Variants in CMTM7 observed in about 807,000 individuals in gnomAD.
The protein encoded by CMTM7 is CKLF-like MARVEL transmembrane domain-containing protein 7.
In CMTM7, 7 loss-of-function variants were observed where a neutral mutation model predicts 19.3. The ratio of observed to expected loss-of-function variants is 0.36; its 90% CI spans 0.21 to 0.68. The LOEUF is 0.68. Ranked by LOEUF, CMTM7 falls within the 30% of genes least tolerant of loss-of-function variation. CMTM7 has a pLI of 0.60. For synonymous variants in CMTM7, 87 were observed against 99.3 expected (o/e 0.88, Z 0.74); for missense variants, 193 against 232.6 (o/e 0.83, Z 1.11).
chr3:32,392,527 C>T (rs1253324375), intron 1 of CMTM7, among the ~76,000 whole-genome samples: 1 of 152,256 alleles, frequency 6.6e-6, no homozygotes, highest in Non-Finnish European at 1.5e-5. Context: ...GAACCCAGCG[C>T]GGCAGGGCTT....
rs5847761 is a variant in CMTM7 at position 32,404,162 on chromosome 3, C to CTTT, written c.159+12110_159+12112dup. Among the ~76,000 whole-genome samples the CTTT allele has an allele frequency of 2.3e-3, 173 of 74,672 alleles. 1 individual carries two copies. The highest frequency in any genetic ancestry group is 6.6e-3 in the African/African-American group (167 of 25,162). The allele number at this position is 74,672 out of a possible 152,430, so 49.0% of individuals were successfully genotyped here. ...TCTTTCTTTTTTTTTCTTTTTTTTT[C>CTTT]TTTTTTTTTTTTTTTGGAGACAGAG... is the stretch of plus-strand genomic sequence containing the variant. On this transcript the variant is annotated intron_variant, in intron 1 of 4. Transcript: ENST00000334983.
At chr3:32,418,616 T>C (rs1696300957) in intron 1 of CMTM7, among the ~76,000 whole-genome samples, 1 of 152,230 alleles carries the variant, frequency 6.6e-6, no homozygotes, top group African/African-American at 2.4e-5. Flanking sequence ...GTTTTATATA[T>C]GGATATCAAG....
chr3:32,411,142 CCTGT>C (rs1696168287), intron 1 of CMTM7, among the ~76,000 whole-genome samples: 1 of 152,166 alleles, frequency 6.6e-6, no homozygotes, highest in African/African-American at 2.4e-5. Context: ...AGCCGGCTTC[CCTGT>C]CGCTGAAAAT....
chr3:32,399,590 C>G (rs1695971576), intron 1 of CMTM7, among the ~76,000 whole-genome samples: 1 of 152,190 alleles, frequency 6.6e-6, no homozygotes, highest in Non-Finnish European at 1.5e-5. Context: ...AGCCTCTGGT[C>G]TAGCTGTGAA....
chr3:32,418,683 C>T (rs1403228599), intron 1 of CMTM7, among the ~76,000 whole-genome samples: 1 of 152,138 alleles, frequency 6.6e-6, no homozygotes, highest in African/African-American at 2.4e-5. Flanking sequence ...TTACTTTACA[C>T]TTCTCTCAAA....
chr3:32,451,930 G>A (rs1575128202), intron 3 of CMTM7: 5 of 493,830 alleles, frequency 1.0e-5, no homozygotes, highest in Admixed American at 2.8e-5. Flanking sequence ...GCTCTAATAC[G>A]GCTATGAAGC....
At chr3:32,395,324 TA>T (rs1196178503) in intron 1 of CMTM7, among the ~76,000 whole-genome samples, 1 of 150,820 alleles carries the variant, frequency 6.6e-6, no homozygotes, top group East Asian at 2.0e-4. Flanking sequence ...TTTTAATAGC[TA>T]TTTTTTTTTA....
intron 1 of CMTM7, among the ~76,000 whole-genome samples, chr3:32,417,441 G>C (rs1324939648): frequency 6.6e-6 from 1 of 152,218 alleles, no homozygotes; most frequent in Non-Finnish European, 1.5e-5. Context: ...TCCATGATAT[G>C]GATATGTGTG....
At chr3:32,444,842 C>T (rs1040838100) in intron 2 of CMTM7, among the ~76,000 whole-genome samples, 2 of 152,082 alleles carry the variant, frequency 1.3e-5, no homozygotes, top group Admixed American at 1.3e-4. Flanking sequence ...CCTCAAACTC[C>T]TGGGCTCAAG....
At chr3:32,454,137 A>T (rs1396601782) in intron 4 of CMTM7, 104 bp from the exon 5 acceptor site, 1 of 1,236,516 alleles carries the variant, frequency 8.1e-7, no homozygotes, top group African/African-American at 1.5e-5. Flanking sequence ...GGTGGAGGAC[A>T]CAGGTGCCCC....
chr3:32,410,838 G>A (rs73825004), intron 1 of CMTM7, among the ~76,000 whole-genome samples: 5,096 of 152,292 alleles, frequency 0.033, 301 homozygotes, highest in African/African-American at 0.12. Context: ...GCAGAGGGAT[G>A]ACAGAAGTGT....
chr3:32,394,520 C>T (rs979665765), intron 1 of CMTM7, among the ~76,000 whole-genome samples: 48 of 152,102 alleles, frequency 3.2e-4, no homozygotes, highest in African/African-American at 1.1e-3. Context: ...GTCTTGGCCT[C>T]TTCTGGGTCC....
Position 32,449,797 on chromosome 3 carries a change from G to A in CMTM7, c.432+245G>A, listed in dbSNP as rs2125643865. Reference sequence around the variant, plus strand: ...GCAGCCCAGGCCTCTCTCTCTTACAGGCACTACTGAAATCAGGGGGCCAGG... The same window carrying A: ...GCAGCCCAGGCCTCTCTCTCTTACAAGCACTACTGAAATCAGGGGGCCAGG... On this transcript the variant is annotated intron_variant, in intron 3 of 4. Transcript: ENST00000334983. The surrounding 1 kb of genome is among the most constrained non-coding windows in gnomAD (Gnocchi z 4.5). Among the ~76,000 whole-genome samples, 1 of 152,196 alleles carries A rather than the reference G, an allele frequency of 6.6e-6. No individual in the cohort carries two copies. Among genetic ancestry groups the A allele is most frequent in the African/African-American group, 2.4e-5 (1 of 41,518 alleles).
intron 1 of CMTM7, among the ~76,000 whole-genome samples, chr3:32,400,102 C>A (rs1473739539): frequency 6.6e-6 from 1 of 152,140 alleles, no homozygotes; most frequent in Admixed American, 6.5e-5. Context: ...TCACTGCAAC[C>A]TCTGCCTCCC....
intron 1 of CMTM7, among the ~76,000 whole-genome samples, chr3:32,405,205 A>C (rs1696072125): frequency 6.6e-6 from 1 of 152,244 alleles, no homozygotes; most frequent in African/African-American, 2.4e-5. Context: ...ACTTCTCCCC[A>C]GACTCCTGCT....
chr3:32,436,494 T>C (rs1346196697), intron 1 of CMTM7, among the ~76,000 whole-genome samples: 1 of 152,190 alleles, frequency 6.6e-6, no homozygotes, highest in Non-Finnish European at 1.5e-5. Flanking sequence ...TGCATCCTCA[T>C]CTGCATCTCT....
intron 1 of CMTM7, among the ~76,000 whole-genome samples, chr3:32,430,933 G>A (rs1559410366): frequency 6.6e-6 from 1 of 152,240 alleles, no homozygotes; most frequent in East Asian, 1.9e-4. Context: ...GCCATAAAAG[G>A]ATATAAAATT....
At chr3:32,450,946 T>C (rs1696820636) in intron 3 of CMTM7, 2 of 152,354 alleles carry the variant, frequency 1.3e-5, no homozygotes, top group South Asian at 4.1e-4. Flanking sequence ...AAAGTGGTCA[T>C]CTAGCTTAGG....
At position 32,391,960 on chromosome 3, in the gene CMTM7, C is replaced by T. The variant is rs1695841095; in HGVS notation, c.54C>T (p.Leu18=). ...VRTTCSSGSA[L]GPGAGAAQPS... ...CCACGTGCAGCAGCGGCAGCGCGCTCGGACCCGGGGCCGGCGCGGCCCAGC... is the reference window on the plus strand; with the variant it reads ...CCACGTGCAGCAGCGGCAGCGCGCTTGGACCCGGGGCCGGCGCGGCCCAGC... Residue 18 remains leucine (L), a synonymous_variant, in exon 1 of 5, where the codon CTC becomes CTT. Coordinates refer to ENST00000334983, the MANE Select transcript of CMTM7 (RefSeq NM_138410.4). The T allele has an allele frequency of 4.1e-6, 5 of 1,231,172 alleles. No individual in the cohort carries two copies. The highest frequency in any genetic ancestry group is 3.2e-5 in the East Asian group (1 of 31,584). The allele number at this position is 1,231,172 out of a possible 1,614,324, so 76.3% of individuals were successfully genotyped here. A position where few individuals can be genotyped will look rare whatever the true frequency, so the allele number is the denominator to read the frequency against.
Sources: gnomAD v4.1 joint callset for allele counts (sites outside exome capture counted in the v4.1 genomes callset) on GRCh38, gnomAD v4.1.1 for gene constraint, Gnocchi (gnomAD v3.1) non-coding constraint, MANE v1.5 for transcripts, NCBI Gene and HGNC (gene_info 2026-07-23, HGNC 2026-07-21) for gene names.